The following EPHX2 variants were observed in gnomAD, a reference collection of about 807,000 sequenced individuals.
EPHX2 encodes the protein epoxide hydrolase 2, also known as bifunctional epoxide hydrolase 2.
In EPHX2, 74 loss-of-function variants were observed where a neutral mutation model predicts 78.7. The observed-to-expected ratio is 0.94, with a 90% CI of 0.78 to 1.14. The LOEUF (loss-of-function observed/expected upper bound fraction) is 1.14, where lower values mean the gene tolerates loss of function less well. EPHX2 is among the 50% of genes most tolerant of loss of function. EPHX2 has a pLI of 0.00. For missense variants in EPHX2, 715 were observed against 702.5 expected (o/e 1.02, Z -0.20); for synonymous variants, 251 against 255.2 (o/e 0.98, Z 0.16).
chr8:27,514,669 C>T (rs1405075296), intron 6 of EPHX2, among the ~76,000 whole-genome samples: 3 of 152,170 alleles, frequency 2.0e-5, no homozygotes, highest in Non-Finnish European at 2.9e-5. Flanking sequence ...CTCCACCTTC[C>T]TCGAGGCCCA....
chr8:27,529,087 C>T (rs1175939703), intron 12 of EPHX2, among the ~76,000 whole-genome samples: 1 of 152,144 alleles, frequency 6.6e-6, no homozygotes, highest in African/African-American at 2.4e-5. Context: ...CGCCCAGCCC[C>T]ATCTCTCCCA....
intron 6 of EPHX2, among the ~76,000 whole-genome samples, chr8:27,514,738 C>A (rs72475837): frequency 6.6e-6 from 1 of 152,026 alleles, no homozygotes; most frequent in Non-Finnish European, 1.5e-5. Flanking sequence ...GTTCCTGTGA[C>A]CCCCGGATGT....
intron 11 of EPHX2, among the ~76,000 whole-genome samples, chr8:27,525,160 C>A (rs528701562): frequency 6.6e-6 from 1 of 150,694 alleles, no homozygotes; most frequent in East Asian, 2.0e-4. Flanking sequence ...AGAAATACTG[C>A]AGTTTAGTAG....
At chr8:27,525,223 C>CCCATTCA in intron 11 of EPHX2, 139 bp from the exon 12 acceptor site, 1 of 694,022 alleles carries the variant, frequency 1.4e-6, no homozygotes, top group South Asian at 1.9e-5. Context: ...ATCCCATTCT[C>CCCATTCA]CCATTCACTG....
intron 1 of EPHX2, among the ~76,000 whole-genome samples, chr8:27,492,452 T>C (rs1813413168): frequency 1.3e-5 from 2 of 152,188 alleles, no homozygotes; most frequent in South Asian, 2.1e-4. Context: ...GAGGCTATAG[T>C]TGTGTCCAGA....
intron 8 of EPHX2, 110 bp downstream of exon 8, chr8:27,516,508 A>G: frequency 9.8e-7 from 1 of 1,025,108 alleles, no homozygotes; most frequent in South Asian, 1.4e-5. Context: ...CCTTCCCCTT[A>G]AGAGAGTCTG....
At chr8:27,527,775 T>C (rs199639147) in intron 12 of EPHX2, among the ~76,000 whole-genome samples, 1 of 152,296 alleles carries the variant, frequency 6.6e-6, no homozygotes, top group East Asian at 1.9e-4. Flanking sequence ...GACCACATTC[T>C]CTTAATCTGG....
At chr8:27,528,125 C>G (rs1225347063) in intron 12 of EPHX2, among the ~76,000 whole-genome samples, 1 of 152,144 alleles carries the variant, frequency 6.6e-6, no homozygotes, top group Non-Finnish European at 1.5e-5. Context: ...GAGAAAGACG[C>G]TTAGTAATTA....
intron 6 of EPHX2, among the ~76,000 whole-genome samples, chr8:27,513,204 C>T (rs765587595): frequency 2.6e-5 from 4 of 152,114 alleles, no homozygotes; most frequent in East Asian, 1.9e-4. Context: ...CATCCAGGCA[C>T]GAGTGGGTTT....
chr8:27,494,622 C>G (rs189038695), intron 1 of EPHX2, among the ~76,000 whole-genome samples: 4 of 152,300 alleles, frequency 2.6e-5, no homozygotes, highest in Admixed American at 2.6e-4. Flanking sequence ...AGATAGTGCC[C>G]TATTCTTTGT....
At chr8:27,533,358 C>T (rs1057073028) in intron 12 of EPHX2, among the ~76,000 whole-genome samples, 2 of 152,174 alleles carry the variant, frequency 1.3e-5, no homozygotes, top group Non-Finnish European at 2.9e-5. Context: ...CGCAGGAACA[C>T]AGAAGGAGGA....
chr8:27,498,105 A>G (rs1414322851), intron 1 of EPHX2, among the ~76,000 whole-genome samples: 1 of 152,226 alleles, frequency 6.6e-6, no homozygotes, highest in Non-Finnish European at 1.5e-5. Context: ...ACCCTGTAGG[A>G]CATCTATATA....
At chr8:27,524,871 A>G (rs572227306) in intron 11 of EPHX2, among the ~76,000 whole-genome samples, 2 of 152,322 alleles carry the variant, frequency 1.3e-5, no homozygotes, top group Admixed American at 1.3e-4. Flanking sequence ...TTAAATTATA[A>G]TGAGCTCCTT....
intron 12 of EPHX2, among the ~76,000 whole-genome samples, chr8:27,531,940 G>A (rs7843805): frequency 0.31 from 47,468 of 152,026 alleles, 11,401 homozygotes; most frequent in African/African-American, 0.68. Flanking sequence ...TGACAGTGCC[G>A]CCCCTACCAG....
chr8:27,516,514 G>C (rs1814460829), intron 8 of EPHX2, 116 bp downstream of exon 8: 1 of 958,228 alleles, frequency 1.0e-6, no homozygotes, highest in Admixed American at 2.0e-5. Flanking sequence ...CCTTAAGAGA[G>C]TCTGACTTCA....
Position 27,525,095 on chromosome 8 carries a change from TGTGTGTGTGTGTGCGCGC to T in EPHX2, c.1059-265_1059-248del, listed in dbSNP as rs1391774512. Among the ~76,000 whole-genome samples the T allele has an allele frequency of 9.5e-5, 14 of 146,754 alleles. No homozygotes were observed. In the East Asian group the frequency reaches 1.2e-3, roughly 12 times the overall value. ...GTGTGTGTGTGTGTGTGTGTGTGTG[TGTGTGTGTGTGTGCGCGC>T]GCGCGCGCGCACCTATGTGTCTAAG... is the stretch of plus-strand genomic sequence containing the variant. On this transcript the variant is annotated intron_variant, in intron 11 of 18. Transcript: ENST00000521400.
At chr8:27,536,205 G>C (rs115824440) in intron 12 of EPHX2, among the ~76,000 whole-genome samples, 1 of 152,044 alleles carries the variant, frequency 6.6e-6, no homozygotes, top group Non-Finnish European at 1.5e-5. Flanking sequence ...GCAATCTAAT[G>C]GTCTGTAACA....
rs146084287 is a variant in EPHX2 at position 27,518,067 on chromosome 8, T to G, written c.940T>G (p.Cys314Gly). ...EIEEYCMEVL[C>G]KEMVTFLDKL... is the part of the protein sequence containing the mutation. ...AGAAGAATATTGCATGGAAGTGTTA[T>G]GTAAGGTAAGAAGAATCTTGGGTAA... The change falls in exon 9 of 19, where the codon TGT becomes GGT. Residue 314 changes from cysteine (C) to glycine (G), a missense_variant. By Grantham distance (159) the Cys-to-Gly change is radical (BLOSUM62 -3). Transcript: ENST00000521400. 2 of 1,599,898 alleles carry G rather than the reference T, an allele frequency of 1.3e-6. No individual in the cohort carries two copies. The highest frequency in any genetic ancestry group is 2.7e-5 in the African/African-American group (2 of 74,156).
intron 16 of EPHX2, 125 bp downstream of exon 16, chr8:27,541,667 TTCCCTTTGGGGTTTGGGAAGTGAC>T (rs1227826361): frequency 4.1e-6 from 4 of 972,432 alleles, no homozygotes; most frequent in Non-Finnish European, 6.4e-6. Context: ...GCCACCTCCT[TTCCCTTTGGGGTTTGGGAAGTGAC>T]TCCCTTCAGG....
Sources: allele counts gnomAD v4.1 joint callset (sites outside exome capture counted in the v4.1 genomes callset), GRCh38; gene constraint gnomAD v4.1.1; transcripts MANE v1.5; gene names NCBI Gene and HGNC (gene_info 2026-07-23, HGNC 2026-07-21).